UBR1: variants seen among roughly 807,000 people sequenced by gnomAD.
UBR1 encodes ubiquitin protein ligase E3 component n-recognin 1, also known as E3 ubiquitin-protein ligase UBR1.
In UBR1, 102 loss-of-function variants were observed where a neutral mutation model predicts 242.1. The ratio of observed to expected loss-of-function variants is 0.42; its 90% CI spans 0.36 to 0.50. The LOEUF (loss-of-function observed/expected upper bound fraction) is 0.50. Ranked by LOEUF, UBR1 falls within the 20% of genes least tolerant of loss-of-function variation. The probability of loss-of-function intolerance (pLI) is 0.01; values close to 1 mark genes in which losing one functional copy is unlikely to be tolerated. For missense variants in UBR1, 1,772 were observed against 2,101.8 expected, an observed-to-expected ratio of 0.84 and a Z score of 3.07; for synonymous variants, 675 against 684.8, an observed-to-expected ratio of 0.99 and a Z score of 0.22.
chr15:42,951,691 C>T (rs1033326848), intron 45 of UBR1, among the ~76,000 whole-genome samples: 5 of 152,124 alleles, frequency 3.3e-5, no homozygotes, highest in Admixed American at 1.3e-4. Flanking sequence ...TGCAATGGCA[C>T]GATCATGGCC....
intron 25 of UBR1, among the ~76,000 whole-genome samples, chr15:43,023,598 C>CAAAAA (rs35071600): frequency 5.0e-5 from 2 of 39,952 alleles, no homozygotes; most frequent in Admixed American, 4.7e-4. Flanking sequence ...AACTCCATCT[C>CAAAAA]AAAAAAAAAA....
chr15:43,086,099 C>G lies in UBR1; in HGVS notation c.223G>C (p.Glu75Gln), dbSNP rs779298328. 2 of 1,614,048 alleles carry G rather than the reference C, an allele frequency of 1.2e-6. No individual in the cohort carries two copies. Among genetic ancestry groups the G allele is most frequent in the Non-Finnish European group, 1.7e-6 (2 of 1,180,006 alleles). The change falls in exon 2 of 47, where the codon GAA becomes CAA. Residue 75 changes from glutamate to glutamine, a missense_variant. Glu to Gln is a conservative substitution (Grantham distance 29). Around this residue, in one of 3 missense-constraint regions of UBR1, gnomAD observed 734 missense variants for 893.3 expected, o/e 0.82. Coordinates refer to ENST00000290650, the MANE Select transcript of UBR1 (RefSeq NM_174916.3). ...SVQMSIFTPLEWYLFGEDPDI... is the reference protein window; with the variant it reads ...SVQMSIFTPLQWYLFGEDPDI... ...GGATCTTCTCCAAATAAGTACCATT[C>G]CAGTGGAGTGAATATTGACATTTGT...
chr15:43,082,409 T>C (rs1337705038), intron 3 of UBR1, among the ~76,000 whole-genome samples: 2 of 152,346 alleles, frequency 1.3e-5, no homozygotes, highest in East Asian at 3.8e-4. Context: ...TGAAGGTTTA[T>C]CTTGGTCCTT....
At chr15:43,066,503 T>C (rs1005791398) in intron 6 of UBR1, among the ~76,000 whole-genome samples, 4 of 152,200 alleles carry the variant, frequency 2.6e-5, no homozygotes, top group Non-Finnish European at 5.9e-5. Flanking sequence ...GTGAAGAACA[T>C]TAATGGTAGT....
intron 38 of UBR1, 65 bp from the exon 39 acceptor site, chr15:42,976,932 A>T: frequency 6.4e-7 from 1 of 1,554,128 alleles, no homozygotes; most frequent in Non-Finnish European, 8.8e-7. Context: ...TAATGTCATA[A>T]CTAAATGTGA....
intron 39 of UBR1, among the ~76,000 whole-genome samples, chr15:42,973,853 G>A (rs575387400): frequency 6.8e-6 from 1 of 147,748 alleles, no homozygotes; most frequent in Non-Finnish European, 1.5e-5. Flanking sequence ...CATACCTAAG[G>A]TCATCTAGGT....
At chr15:42,970,628 G>C in intron 39 of UBR1, 21 bp from the exon 40 acceptor site, 1 of 1,596,952 alleles carries the variant, frequency 6.3e-7, no homozygotes, top group Non-Finnish European at 8.6e-7. Flanking sequence ...AATTCTGCAA[G>C]ATGAATTATG....
At chr15:43,060,617 T>C (rs1596124669) in intron 6 of UBR1, among the ~76,000 whole-genome samples, 1 of 152,160 alleles carries the variant, frequency 6.6e-6, no homozygotes, top group African/African-American at 2.4e-5. Flanking sequence ...TACCCACCTG[T>C]AAAAATTCAT....
intron 27 of UBR1, among the ~76,000 whole-genome samples, chr15:43,020,081 C>A (rs1412557851): frequency 6.6e-6 from 1 of 151,978 alleles, no homozygotes; most frequent in African/African-American, 2.4e-5. Context: ...GTTCTGTTAC[C>A]CAGGCTGGAG....
intron 40 of UBR1, among the ~76,000 whole-genome samples, chr15:42,970,237 A>G (rs907639186): frequency 6.6e-6 from 1 of 152,198 alleles, no homozygotes; most frequent in African/African-American, 2.4e-5. Flanking sequence ...AAAACAAGCA[A>G]TGGGGAAAGG....
intron 12 of UBR1, among the ~76,000 whole-genome samples, chr15:43,048,829 C>A (rs1167625602): frequency 6.6e-6 from 1 of 152,174 alleles, no homozygotes; most frequent in African/African-American, 2.4e-5. Flanking sequence ...CTGTTCACAC[C>A]CATCAGCCAA....
Position 42,966,187 on chromosome 15 carries a change from T to C in UBR1, c.4557A>G (p.Leu1519=), listed in dbSNP as rs759187953. The change falls in exon 41 of 47, where the codon TTA becomes TTG. Residue 1519 remains leucine (L), a synonymous_variant. Transcript: ENST00000290650. ...GTTCCTCAGGCGGAGTTACCCCAAGTAAATAGTGGAAAAACAATGCAGCAC... is the reference window on the plus strand; with the variant it reads ...GTTCCTCAGGCGGAGTTACCCCAAGCAAATAGTGGAAAAACAATGCAGCAC... The part of the protein sequence containing the change: ...LRCAALFFHY[L]LGVTPPEELH... 37 of 1,613,956 alleles carry C rather than the reference T, an allele frequency of 2.3e-5. No individual in the cohort carries two copies. The highest frequency in any genetic ancestry group is 2.8e-5 in the Non-Finnish European group (33 of 1,180,024).
intron 33 of UBR1, among the ~76,000 whole-genome samples, chr15:42,993,556 C>T (rs535897364): frequency 2.0e-5 from 3 of 152,000 alleles, no homozygotes; most frequent in Admixed American, 6.6e-5. Flanking sequence ...TTAGTAGAGA[C>T]GGGGTTTCAC....
chr15:43,068,122 A>G (rs1404350641), intron 5 of UBR1, 86 bp from the exon 6 acceptor site: 44 of 911,996 alleles, frequency 4.8e-5, no homozygotes, highest in Non-Finnish European at 6.7e-5. Context: ...AAATTAATAC[A>G]TAACATCTGT....
chr15:43,074,567 T>A (rs537413565), intron 4 of UBR1, among the ~76,000 whole-genome samples: 5 of 152,222 alleles, frequency 3.3e-5, no homozygotes, highest in African/African-American at 1.2e-4. Context: ...GTAGCTGCAA[T>A]TACAGGTGTG....
At position 43,021,479 on chromosome 15, in the gene UBR1, T is replaced by C. The variant is rs1219158667; in HGVS notation, c.2840-104A>G. ...CCCTGTGGACATCAAAGTCCACTAA[T>C]GCTCAATTCCCTTATGTAAAATGGT... On this transcript the variant is annotated intron_variant, in intron 26 of 46. Coordinates refer to ENST00000290650, the MANE Select transcript of UBR1 (RefSeq NM_174916.3). The C allele has an allele frequency of 1.6e-5, 15 of 956,580 alleles. No homozygotes were observed. The East Asian group carries it at 3.2e-4, about 20-fold the overall frequency. The allele number at this position is 956,580 out of a possible 1,614,324, so 59.3% of individuals were successfully genotyped here. A position where few individuals can be genotyped will look rare whatever the true frequency, so the allele number is the denominator to read the frequency against.
chr15:42,958,149 T>A, intron 43 of UBR1, 59 bp from the exon 44 acceptor site: 1 of 1,188,682 alleles, frequency 8.4e-7, no homozygotes, highest in South Asian at 1.2e-5. Context: ...GATCAAAAAC[T>A]GCCCAAAGTG....
At chr15:43,077,688 AT>A (rs1447035895) in intron 3 of UBR1, among the ~76,000 whole-genome samples, 11 of 151,002 alleles carry the variant, frequency 7.3e-5, no homozygotes, top group African/African-American at 2.7e-4. Flanking sequence ...AAAAATAAAA[AT>A]AAAATAAAAA....
intron 10 of UBR1, 53 bp downstream of exon 10, chr15:43,058,288 T>C (rs1393960350): frequency 1.8e-6 from 2 of 1,104,506 alleles, no homozygotes; most frequent in South Asian, 2.7e-5. Flanking sequence ...TATTAATTCA[T>C]TTATAAAAAC....
Sources: allele counts gnomAD v4.1 joint callset (sites outside exome capture counted in the v4.1 genomes callset), GRCh38; gene constraint gnomAD v4.1.1; regional missense constraint gnomAD v4.1.1; transcripts MANE v1.5; gene names NCBI Gene and HGNC (gene_info 2026-07-23, HGNC 2026-07-21).